ROBO2: variants seen among roughly 807,000 people sequenced by gnomAD.
ROBO2 encodes the protein roundabout guidance receptor 2, also known as roundabout homolog 2.
In ROBO2, 53 loss-of-function variants were observed where a neutral mutation model predicts 160.8. The observed-to-expected ratio is 0.33, with a 90% CI of 0.26 to 0.41. The LOEUF (loss-of-function observed/expected upper bound fraction) is 0.41. Ranked by LOEUF, ROBO2 falls within the 10% of genes least tolerant of loss-of-function variation. ROBO2 has a pLI of 1.00. For missense variants in ROBO2, 1,577 were observed against 1,722.4 expected, an observed-to-expected ratio of 0.92 and a Z score of 1.49; for synonymous variants, 664 against 611.7, an observed-to-expected ratio of 1.09 and a Z score of -1.26.
chr3:77,569,329 C>T (rs1258152693), intron 13 of ROBO2, among the ~76,000 whole-genome samples: 3 of 151,992 alleles, frequency 2.0e-5, no homozygotes, highest in Non-Finnish European at 4.4e-5. Context: ...ACATCCTTGC[C>T]AACACTTATT....
chr3:77,600,426 A>G (rs2094407674), intron 19 of ROBO2, among the ~76,000 whole-genome samples: 1 of 152,212 alleles, frequency 6.6e-6, no homozygotes, highest in African/African-American at 2.4e-5. Context: ...GAGAGATTCA[A>G]TTTCCAGAGC....
chr3:76,805,289 A>G lies in ROBO2; in HGVS notation c.110-292725A>G, dbSNP rs73841629. 2.5e-3 allele frequency among the ~76,000 whole-genome samples: 378 copies of G among 152,082 alleles called. 2 individuals are homozygous for G. The highest frequency in any genetic ancestry group is 8.5e-3 in the African/African-American group (351 of 41,526). On this transcript the variant is annotated intron_variant, in intron 2 of 26. Transcript: ENST00000487694. The stretch of plus-strand genomic sequence containing the variant: ...ACCTTCGATTATTTTTTCCAAGTGC[A>G]AGTTCCACTTAATACTTTTACAGCT...
At chr3:76,434,734 G>A in intron 2 of ROBO2, 1 of 1,107,646 alleles carries the variant, frequency 9.0e-7, no homozygotes, top group Admixed American at 1.7e-5. Flanking sequence ...GTCTCTACCA[G>A]TTGAGGCTCA....
intron 2 of ROBO2, among the ~76,000 whole-genome samples, chr3:76,679,860 A>G (rs1247625834): frequency 1.3e-5 from 2 of 152,036 alleles, no homozygotes; most frequent in Admixed American, 6.6e-5. Flanking sequence ...TAATCTGGGG[A>G]TAGTTATCTT....
At chr3:76,111,877 A>T (rs576052442) in intron 2 of ROBO2, among the ~76,000 whole-genome samples, 1 of 152,204 alleles carries the variant, frequency 6.6e-6, no homozygotes, top group South Asian at 2.1e-4. Context: ...TGATCTGTTA[A>T]AAATAGAAGG....
chr3:76,368,390 AT>A (rs767357339), intron 2 of ROBO2, among the ~76,000 whole-genome samples: 4 of 151,764 alleles, frequency 2.6e-5, no homozygotes, highest in Admixed American at 6.6e-5. Flanking sequence ...CAGCTGGGTG[AT>A]TTTTTTTACT....
chr3:76,143,020 G>A (rs566638593), intron 2 of ROBO2, among the ~76,000 whole-genome samples: 4 of 151,510 alleles, frequency 2.6e-5, no homozygotes, highest in African/African-American at 9.7e-5. Flanking sequence ...CTCTGGATGG[G>A]AGTTTATGTA....
chr3:76,095,063 C>A (rs142305780), intron 2 of ROBO2, among the ~76,000 whole-genome samples: 4 of 151,952 alleles, frequency 2.6e-5, no homozygotes, highest in Admixed American at 6.6e-5. Context: ...TAGGAAAAAG[C>A]GATATGGAAG....
intron 2 of ROBO2, among the ~76,000 whole-genome samples, chr3:77,208,466 A>G (rs1235369170): frequency 1.3e-5 from 2 of 152,180 alleles, no homozygotes; most frequent in East Asian, 1.9e-4. Flanking sequence ...CGGCATGGTC[A>G]ATAGCATGTG....
At chr3:77,267,460 C>T (rs1026313359) in intron 2 of ROBO2, among the ~76,000 whole-genome samples, 8 of 152,236 alleles carry the variant, frequency 5.3e-5, no homozygotes, top group African/African-American at 1.7e-4. Flanking sequence ...ACCTGCCTCA[C>T]CTGCACCTCT....
intron 2 of ROBO2, among the ~76,000 whole-genome samples, chr3:77,188,131 T>C (rs147492198): frequency 6.6e-6 from 1 of 152,026 alleles, no homozygotes; most frequent in East Asian, 1.9e-4. Context: ...ATGTGGATTC[T>C]TCTTCTGAAT....
At chr3:77,393,940 G>C (rs964547162) in intron 2 of ROBO2, among the ~76,000 whole-genome samples, 1 of 152,038 alleles carries the variant, frequency 6.6e-6, no homozygotes, top group Admixed American at 6.6e-5. Flanking sequence ...TTTACAATTG[G>C]AAGCTGAGAA....
At chr3:77,041,441 C>G (rs2149615153) in intron 1 of ROBO2, among the ~76,000 whole-genome samples, 1 of 152,312 alleles carries the variant, frequency 6.6e-6, no homozygotes, top group East Asian at 1.9e-4. Flanking sequence ...GGGCTGGCCA[C>G]AGGAGTAGAA....
intron 2 of ROBO2, among the ~76,000 whole-genome samples, chr3:75,956,412 G>C (rs1948724774): frequency 6.6e-6 from 1 of 151,764 alleles, no homozygotes; most frequent in South Asian, 2.1e-4. Context: ...AAATAAAAAG[G>C]TGCTGTCCTG....
rs72900161 is a variant in ROBO2, at chr3:76,945,174, A to G, written c.110-152840A>G. 2.2e-3 allele frequency among the ~76,000 whole-genome samples: 330 copies of G among 152,246 alleles called. 3 individuals are homozygous for G. Among genetic ancestry groups the G allele is most frequent in the African/African-American group, 7.7e-3 (318 of 41,564 alleles). Reference sequence around the variant, plus strand: ...ATGTGCTGGCTTTTAACAGCAGAATATGGTAGAAGAGATGATAGAAATGGC... The same window carrying G: ...ATGTGCTGGCTTTTAACAGCAGAATGTGGTAGAAGAGATGATAGAAATGGC... On this transcript the variant is annotated intron_variant, in intron 2 of 26. Transcript: ENST00000487694.
intron 2 of ROBO2, among the ~76,000 whole-genome samples, chr3:76,222,388 G>T (rs1232851177): frequency 2.0e-5 from 3 of 152,172 alleles, no homozygotes; most frequent in Non-Finnish European, 4.4e-5. Context: ...GGCCAAGTGG[G>T]TGACTTGAAA....
intron 2 of ROBO2, among the ~76,000 whole-genome samples, chr3:76,473,945 T>A (rs571951024): frequency 1.3e-5 from 2 of 152,252 alleles, no homozygotes; most frequent in Non-Finnish European, 2.9e-5. Flanking sequence ...CCAGACCCTA[T>A]GGATTTTAAC....
intron 2 of ROBO2, among the ~76,000 whole-genome samples, chr3:76,380,844 G>A (rs1227989442): frequency 6.6e-6 from 1 of 152,066 alleles, no homozygotes; most frequent in Non-Finnish European, 1.5e-5. Flanking sequence ...AAAGGTATGA[G>A]ATAAAGTATC....
intron 4 of ROBO2, among the ~76,000 whole-genome samples, chr3:77,492,804 A>C (rs1582430191): frequency 2.0e-5 from 3 of 152,274 alleles, no homozygotes; most frequent in Non-Finnish European, 2.9e-5. Flanking sequence ...GGTTTTCTCT[A>C]GCATTCTTGA....
Sources: allele counts gnomAD v4.1 joint callset (sites outside exome capture counted in the v4.1 genomes callset), GRCh38; gene constraint gnomAD v4.1.1; transcripts MANE v1.5; gene names NCBI Gene and HGNC (gene_info 2026-07-23, HGNC 2026-07-21).